Variants in KALRN observed in about 807,000 individuals in gnomAD.
The protein encoded by KALRN is kalirin.
Under a neutral mutation model 353.7 loss-of-function variants are expected in KALRN, and 70 were observed. The ratio of observed to expected loss-of-function variants is 0.20; its 90% CI spans 0.16 to 0.24. The LOEUF (loss-of-function observed/expected upper bound fraction) is 0.24, where lower values mean the gene tolerates loss of function less well. KALRN is among the 10% of genes least tolerant of loss of function. KALRN has a pLI of 1.00. For synonymous variants in KALRN, 1,391 were observed against 1,434.8 expected (o/e 0.97, Z 0.69); for missense variants, 2,791 against 3,756.7 (o/e 0.74, Z 6.72).
In KALRN at chr3:124,181,076, C is replaced by CAAAAAAAAAAAAA. The variant is rs60579271; in HGVS notation, c.74-46901_74-46889dup. On this transcript the variant is annotated intron_variant, in intron 1 of 59. Coordinates refer to ENST00000682506, the MANE Select transcript of KALRN (RefSeq NM_001388419.1). ...CAAAACCCCATCTCTACTAAAAATA[C>CAAAAAAAAAAAAA]AAAAAAAAAAAAAAAAAAAAAAAAA... Among the ~76,000 whole-genome samples, 216 of 55,262 alleles carry CAAAAAAAAAAAAA rather than the reference C, an allele frequency of 3.9e-3. 14 individuals are homozygous for CAAAAAAAAAAAAA. Among genetic ancestry groups the CAAAAAAAAAAAAA allele is most frequent in the African/African-American group, 0.014 (188 of 13,390 alleles). The allele number at this position is 55,262 out of a possible 152,430, so 36.3% of individuals were successfully genotyped here.
At chr3:124,318,845 C>G (rs1191115897) in intron 6 of KALRN, among the ~76,000 whole-genome samples, 1 of 152,194 alleles carries the variant, frequency 6.6e-6, no homozygotes, top group African/African-American at 2.4e-5. Context: ...CTCATTCTTC[C>G]TCTTTCTTTG....
At chr3:124,170,239 G>T (rs994962370) in intron 1 of KALRN, among the ~76,000 whole-genome samples, 1 of 152,212 alleles carries the variant, frequency 6.6e-6, no homozygotes, top group Non-Finnish European at 1.5e-5. Flanking sequence ...TTTCTCTGAA[G>T]GAATCTCTCT....
At chr3:124,590,434 T>A (rs2075661426) in intron 34 of KALRN, among the ~76,000 whole-genome samples, 1 of 152,166 alleles carries the variant, frequency 6.6e-6, no homozygotes, top group Non-Finnish European at 1.5e-5. Flanking sequence ...ACTCTGTATC[T>A]GTTTTTTAAT....
intron 5 of KALRN, among the ~76,000 whole-genome samples, 171 bp from the exon 6 acceptor site, chr3:124,298,620 C>T (rs2077030942): frequency 6.6e-6 from 1 of 152,160 alleles, no homozygotes; most frequent in Non-Finnish European, 1.5e-5. Flanking sequence ...GAGGGCTCTC[C>T]TGAGAAATCA....
chr3:124,556,925 C>T (rs919334294), intron 33 of KALRN, among the ~76,000 whole-genome samples: 5 of 152,134 alleles, frequency 3.3e-5, no homozygotes, highest in East Asian at 1.9e-4. Context: ...TACAACTGTA[C>T]GTCTTGTCCT....
intron 1 of KALRN, chr3:124,099,369 A>G (rs945255131): frequency 2.0e-5 from 3 of 152,166 alleles, no homozygotes; most frequent in East Asian, 1.9e-4. Context: ...AGTTCCATCT[A>G]TGTTGCTGCA....
chr3:124,230,674 C>A (rs1027137503), intron 2 of KALRN, among the ~76,000 whole-genome samples: 1 of 151,992 alleles, frequency 6.6e-6, no homozygotes, highest in African/African-American at 2.4e-5. Context: ...CAGCGTAAGC[C>A]GAACAGCCTG....
chr3:124,341,114 A>G (rs772210931), intron 9 of KALRN, among the ~76,000 whole-genome samples: 4 of 152,262 alleles, frequency 2.6e-5, no homozygotes, highest in South Asian at 2.1e-4. Flanking sequence ...GGAATTATGC[A>G]TAATGGCTGT....
At chr3:124,300,815 G>A (rs762270599) in intron 6 of KALRN, among the ~76,000 whole-genome samples, 13 of 152,232 alleles carry the variant, frequency 8.5e-5, no homozygotes, top group Non-Finnish European at 1.8e-4. Context: ...TGTGTTATCA[G>A]TCTTGGCCAC....
chr3:124,675,067 C>T (rs778119645), intron 49 of KALRN: 7 of 151,812 alleles, frequency 4.6e-5, no homozygotes, highest in African/African-American at 1.5e-4. Flanking sequence ...AATGCCAGAC[C>T]TGTGAAGGTC....
intron 33 of KALRN, among the ~76,000 whole-genome samples, chr3:124,517,448 T>C (rs2066744235): frequency 6.6e-6 from 1 of 152,222 alleles, no homozygotes; most frequent in Non-Finnish European, 1.5e-5. Flanking sequence ...CCACAGTCAA[T>C]GTGAGACTGT....
At chr3:124,041,007 T>A (rs73186205) in intron 1 of KALRN, among the ~76,000 whole-genome samples, 10,008 of 152,260 alleles carry the variant, frequency 0.066, 429 homozygotes, top group Middle Eastern at 0.11. Context: ...TTTAATCATT[T>A]GTTTGAAAAA....
intron 6 of KALRN, among the ~76,000 whole-genome samples, chr3:124,317,741 C>G (rs887505311): frequency 5.6e-4 from 59 of 105,830 alleles, no homozygotes; most frequent in South Asian, 1.3e-3. Context: ...AAAAAAAAGG[C>G]GGGGGCTGGG....
intron 1 of KALRN, among the ~76,000 whole-genome samples, chr3:124,213,979 TAC>T: frequency 6.6e-6 from 1 of 152,318 alleles, no homozygotes; most frequent in Non-Finnish European, 1.5e-5. Context: ...ATGAATATTT[TAC>T]AGATATTCTA....
At chr3:124,230,988 T>C (rs1249261666) in intron 2 of KALRN, among the ~76,000 whole-genome samples, 2 of 152,170 alleles carry the variant, frequency 1.3e-5, no homozygotes, top group African/African-American at 2.4e-5. Context: ...AACAGTTGGA[T>C]TTCTTTCTGA....
chr3:124,584,608 C>T, intron 34 of KALRN: 4 of 1,397,098 alleles, frequency 2.9e-6, no homozygotes, highest in Non-Finnish European at 2.8e-6. Context: ...GGAACTCCGC[C>T]CCTTAGGCCC....
intron 9 of KALRN, among the ~76,000 whole-genome samples, chr3:124,346,105 G>GACA (rs1404890903): frequency 1.3e-5 from 2 of 152,136 alleles, no homozygotes; most frequent in Non-Finnish European, 2.9e-5. Context: ...ATCTATAACA[G>GACA]GTGTGTCTAT....
intron 10 of KALRN, among the ~76,000 whole-genome samples, chr3:124,373,219 A>G (rs892566088): frequency 6.6e-6 from 1 of 152,188 alleles, no homozygotes; most frequent in African/African-American, 2.4e-5. Flanking sequence ...TTCTCAATAC[A>G]GCTTCCTCTA....
chr3:124,178,808 T>C (rs1354400094), intron 1 of KALRN, among the ~76,000 whole-genome samples: 1 of 152,202 alleles, frequency 6.6e-6, no homozygotes, highest in African/African-American at 2.4e-5. Flanking sequence ...ATTAAATTTA[T>C]TTAAATATTT....
Sources: allele counts gnomAD v4.1 joint callset (sites outside exome capture counted in the v4.1 genomes callset), GRCh38; gene constraint gnomAD v4.1.1; transcripts MANE v1.5; gene names NCBI Gene and HGNC (gene_info 2026-07-23, HGNC 2026-07-21).